The following ITGA4 variants were observed in gnomAD, a reference collection of about 807,000 sequenced individuals.
The protein encoded by ITGA4 is integrin alpha-4.
A neutral mutation model predicts 133.6 loss-of-function variants in ITGA4; 63 were observed. That is an observed-to-expected ratio of 0.47 (90% confidence interval 0.38 to 0.58). ITGA4 has a LOEUF of 0.58. ITGA4 is among the 20% of genes least tolerant of loss of function. ITGA4 has a pLI of 0.00. For missense variants in ITGA4, 1,076 were observed against 1,252.7 expected (o/e 0.86, Z 2.13); for synonymous variants, 483 against 438.0 (o/e 1.10, Z -1.28).
intron 2 of ITGA4, among the ~76,000 whole-genome samples, chr2:181,473,941 G>T (rs1035401802): frequency 2.0e-5 from 3 of 152,158 alleles, no homozygotes; most frequent in Admixed American, 1.3e-4. Context: ...ATGAAAACTT[G>T]GTACCTAGTG....
intron 10 of ITGA4, among the ~76,000 whole-genome samples, chr2:181,488,837 C>A (rs1027173530): frequency 6.6e-6 from 1 of 152,180 alleles, no homozygotes; most frequent in African/African-American, 2.4e-5. Context: ...GGATTACAGG[C>A]ATGAGCCACT....
Position 181,481,399 on chromosome 2 carries a change from C to G in ITGA4, c.755-199C>G, listed in dbSNP as rs139522373. 2.5e-3 allele frequency among the ~76,000 whole-genome samples: 386 copies of G among 152,270 alleles called. 2 individuals carry two copies. Among genetic ancestry groups the G allele is most frequent in the African/African-American group, 8.8e-3 (366 of 41,562 alleles). The stretch of plus-strand genomic sequence containing the variant: ...GGACTCGGAAATACATACCATATGA[C>G]TGCAGTTTTGTAAAACATATCAAAA... On this transcript the variant is annotated intron_variant, in intron 6 of 27. Transcript: ENST00000397033.
intron 2 of ITGA4, among the ~76,000 whole-genome samples, chr2:181,462,447 G>A (rs991632172): frequency 6.6e-6 from 1 of 151,990 alleles, no homozygotes; most frequent in Non-Finnish European, 1.5e-5. Context: ...TTGATTCATA[G>A]GAGTTATTAG....
At chr2:181,531,474 C>T (rs996976309) in intron 24 of ITGA4, among the ~76,000 whole-genome samples, 183 bp from the exon 25 acceptor site, 2 of 152,074 alleles carry the variant, frequency 1.3e-5, no homozygotes, top group Non-Finnish European at 2.9e-5. Flanking sequence ...AGAAAACAAA[C>T]ATTCATGTCT....
At chr2:181,467,495 AAAG>A (rs1175733784) in intron 2 of ITGA4, among the ~76,000 whole-genome samples, 2 of 152,150 alleles carry the variant, frequency 1.3e-5, no homozygotes, top group Non-Finnish European at 2.9e-5. Context: ...AGTTATATAG[AAAG>A]AAGACCTTAG....
chr2:181,474,899 TTTCTC>T (rs1198732012), intron 2 of ITGA4, 56 bp from the exon 3 acceptor site: 59 of 1,306,264 alleles, frequency 4.5e-5, no homozygotes, highest in South Asian at 3.0e-4. Flanking sequence ...AGTGCACAGT[TTTCTC>T]TTCTTTTGTA....
intron 2 of ITGA4, among the ~76,000 whole-genome samples, chr2:181,465,918 G>A (rs1685400456): frequency 1.3e-5 from 2 of 151,938 alleles, no homozygotes; most frequent in Non-Finnish European, 2.9e-5. Flanking sequence ...TACTTCATAG[G>A]GATGTTATGA....
intron 7 of ITGA4, 105 bp from the exon 8 acceptor site, chr2:181,482,255 A>G (rs1163848588): frequency 1.7e-5 from 20 of 1,162,802 alleles, no homozygotes; most frequent in Non-Finnish European, 2.1e-5. Context: ...TATTTGAGCA[A>G]TTAACTGCAA....
At chr2:181,525,380 A>T (rs2305580) in intron 21 of ITGA4, 89 bp downstream of exon 21, 78,794 of 659,898 alleles carry the variant, frequency 0.12, 5,969 homozygotes, top group East Asian at 0.22. Flanking sequence ...GTATTCTAGA[A>T]TTTTTTTAAA....
At chr2:181,513,590 A>AT (rs1420310058) in intron 17 of ITGA4, among the ~76,000 whole-genome samples, 2 of 151,944 alleles carry the variant, frequency 1.3e-5, no homozygotes, top group East Asian at 3.9e-4. Context: ...CTGGCCTTTG[A>AT]TTTTGCATTA....
intron 6 of ITGA4, among the ~76,000 whole-genome samples, chr2:181,480,716 C>T (rs762388359): frequency 1.4e-4 from 21 of 152,088 alleles, no homozygotes; most frequent in Non-Finnish European, 2.9e-4. Context: ...TACTGTCCAC[C>T]ACATTCTGGA....
intron 4 of ITGA4, among the ~76,000 whole-genome samples, chr2:181,478,485 C>T (rs911256722): frequency 1.3e-5 from 2 of 152,010 alleles, no homozygotes; most frequent in African/African-American, 2.4e-5. Context: ...ACAAATCCTA[C>T]CTCTGTCTTA....
intron 2 of ITGA4, among the ~76,000 whole-genome samples, chr2:181,470,460 T>C (rs1685521664): frequency 6.6e-6 from 1 of 151,914 alleles, no homozygotes; most frequent in Non-Finnish European, 1.5e-5. Context: ...CTGGGGGGCT[T>C]CAAAAAAATT....
At chr2:181,475,952 T>A in intron 4 of ITGA4, 1 of 1,377,134 alleles carries the variant, frequency 7.3e-7, no homozygotes, top group South Asian at 1.7e-5. Flanking sequence ...CTAAGAAACA[T>A]ATGAATGCAA....
intron 9 of ITGA4, among the ~76,000 whole-genome samples, chr2:181,483,213 T>C (rs975067226): frequency 6.6e-6 from 1 of 152,184 alleles, no homozygotes; most frequent in Non-Finnish European, 1.5e-5. Flanking sequence ...GTTGCATAAA[T>C]AGGTAATTAC....
At chr2:181,535,079 C>T (rs1687031805) in intron 27 of ITGA4, 144 bp downstream of exon 27, 2 of 869,660 alleles carry the variant, frequency 2.3e-6, no homozygotes, top group South Asian at 3.0e-5. Flanking sequence ...TCACATTTCT[C>T]TTCAACACCA....
intron 5 of ITGA4, 110 bp downstream of exon 5, chr2:181,478,934 T>C: frequency 2.0e-6 from 1 of 505,182 alleles, no homozygotes; most frequent in Non-Finnish European, 3.4e-6. Flanking sequence ...AACATCTTCA[T>C]CATGTCTCTT....
intron 17 of ITGA4, among the ~76,000 whole-genome samples, chr2:181,514,984 T>C (rs1021672372): frequency 1.3e-5 from 2 of 152,232 alleles, no homozygotes; most frequent in Admixed American, 1.3e-4. Context: ...TAAGGCTGTG[T>C]TTCTTAAGGT....
chr2:181,509,470 A>C (rs955035891), intron 15 of ITGA4, among the ~76,000 whole-genome samples, 188 bp from the exon 16 acceptor site: 2 of 152,222 alleles, frequency 1.3e-5, no homozygotes, highest in East Asian at 1.9e-4. Context: ...GTTTTTCATA[A>C]GAAACGTAAA....
Sources: allele counts gnomAD v4.1 joint callset (sites outside exome capture counted in the v4.1 genomes callset), GRCh38; gene constraint gnomAD v4.1.1; transcripts MANE v1.5; gene names NCBI Gene and HGNC (gene_info 2026-07-23, HGNC 2026-07-21).